The following PCDH1 variants were observed in gnomAD, a reference collection of about 807,000 sequenced individuals.
PCDH1 encodes protocadherin-1.
Under a neutral mutation model 74.6 loss-of-function variants are expected in PCDH1, and 23 were observed. That is an observed-to-expected ratio of 0.31 (90% confidence interval 0.22 to 0.44). PCDH1 has a LOEUF of 0.44. Ranked by LOEUF, PCDH1 falls within the 20% of genes least tolerant of loss-of-function variation. The pLI, the probability that PCDH1 is intolerant of heterozygous loss-of-function variation, is 1.00. For missense variants in PCDH1, 1,214 were observed against 1,641.4 expected, an observed-to-expected ratio of 0.74 and a Z score of 4.50; for synonymous variants, 647 against 686.1, an observed-to-expected ratio of 0.94 and a Z score of 0.89.
chr5:141,877,899 A>G (rs1045047396), intron 1 of PCDH1, among the ~76,000 whole-genome samples: 1 of 151,954 alleles, frequency 6.6e-6, no homozygotes, highest in East Asian at 1.9e-4. Context: ...CGCTTCCCCA[A>G]ACCCATCCTC....
rs1331091678 is a variant in PCDH1 at position 141,878,324 on chromosome 5, C to A, written c.-62G>T. 2 of 1,155,798 alleles carry A rather than the reference C, an allele frequency of 1.7e-6. No homozygotes were observed. Among genetic ancestry groups the A allele is most frequent in the East Asian group, 3.7e-5 (1 of 26,912 alleles). 71.6% of individuals were successfully genotyped at this position (1,155,798 alleles called of 1,614,324 possible). On this transcript the variant is annotated 5_prime_UTR_variant, in exon 1 of 5. Coordinates refer to ENST00000287008, the MANE Select transcript of PCDH1 (RefSeq NM_032420.5). The surrounding 1 kb of genome is among the most constrained non-coding windows in gnomAD (Gnocchi z 5.5). ...CACGGCTGGGGCTGGAGCTGCAGTT[C>A]GGGCTCCGGCTCCGGCTCCGGCTGG... is the stretch of plus-strand genomic sequence containing the variant.
Position 141,865,469 on chromosome 5 carries a change from T to C in PCDH1, c.904-42A>G, listed in dbSNP as rs888952773. 15 of 1,583,742 alleles carry C rather than the reference T, an allele frequency of 9.5e-6. No individual in the cohort carries two copies. Among genetic ancestry groups the C allele is most frequent in the Non-Finnish European group, 1.3e-5 (15 of 1,166,560 alleles). On this transcript the variant is annotated intron_variant, in intron 2 of 4. Coordinates refer to ENST00000287008, the MANE Select transcript of PCDH1 (RefSeq NM_032420.5). This position sits in a 1 kb window ranked among gnomAD's most constrained non-coding sequence, Gnocchi z 4.4. ...AAAAACAAGGAGAACAGAGATGGTT[T>C]AGATCAGGGATAGCAAATAAAGGGG...
intron 4 of PCDH1, 51 bp downstream of exon 4, chr5:141,857,201 C>T: frequency 7.0e-7 from 1 of 1,436,522 alleles, no homozygotes; most frequent in Non-Finnish European, 9.3e-7. Flanking sequence ...GTCACCATTC[C>T]CAGGCTTCCA....
chr5:141,868,444 G>A lies in PCDH1; in HGVS notation c.903+125C>T. The A allele has an allele frequency of 6.9e-6, 10 of 1,442,566 alleles. No individual in the cohort carries two copies. Among genetic ancestry groups the A allele is most frequent in the Non-Finnish European group, 9.1e-6 (10 of 1,101,344 alleles). The allele number at this position is 1,442,566 out of a possible 1,614,324, so 89.4% of individuals were successfully genotyped here. A position where few individuals can be genotyped will look rare whatever the true frequency, so the allele number is the denominator to read the frequency against. On this transcript the variant is annotated intron_variant, in intron 2 of 4. Transcript: ENST00000287008. This position sits in a 1 kb window ranked among gnomAD's most constrained non-coding sequence, Gnocchi z 4.8. ...AGACTCCCCTGGCTGAGTTTGGGGA[G>A]AAGGGGTCTCACTACAGTATTCTGG...
chr5:141,877,532 G>A (rs1476501157), intron 1 of PCDH1, among the ~76,000 whole-genome samples: 1 of 152,168 alleles, frequency 6.6e-6, no homozygotes. Context: ...ATGAGGGCAC[G>A]AGATTGTGTT....
At position 141,864,244 on chromosome 5, in the gene PCDH1, G is replaced by A. The variant is rs1404271979; in HGVS notation, c.2087C>T (p.Ser696Leu). ...KAVDGGVPPRSAYVGVTINVL... is the reference protein window; with the variant it reads ...KAVDGGVPPRLAYVGVTINVL... ...ATTGATGGTGACACCAACGTAAGCTGAGCGAGGTGGGACGCCACCATCCAC... is the reference window on the plus strand; with the variant it reads ...ATTGATGGTGACACCAACGTAAGCTAAGCGAGGTGGGACGCCACCATCCAC... Residue 696 changes from serine to leucine, a missense_variant, in exon 3 of 5, where the codon TCA (serine) becomes TTA (leucine). Ser to Leu is a moderately radical substitution (Grantham distance 145). Transcript: ENST00000287008. The surrounding 1 kb of genome is among the most constrained non-coding windows in gnomAD (Gnocchi z 5.9). 4 of 1,611,222 alleles carry A rather than the reference G, an allele frequency of 2.5e-6. No individual in the cohort carries two copies. In the Admixed American group the frequency reaches 6.7e-5, roughly 27 times the overall value.
chr5:141,873,613 ATTTTTTTTT>A lies in PCDH1; in HGVS notation c.41-4191_41-4183del, dbSNP rs34468568. On this transcript the variant is annotated intron_variant, in intron 1 of 4. Transcript: ENST00000287008. ...AGGCGCCCGCCACCATGCCCAGCTA[ATTTTTTTTT>A]TTTTTTTTTGTATTTTTAGTAGAGA... Among the ~76,000 whole-genome samples, 5 of 122,542 alleles carry A rather than the reference ATTTTTTTTT, an allele frequency of 4.1e-5. 1 individual carries two copies. The South Asian group carries it at 1.3e-3, about 32-fold the overall frequency. The allele number at this position is 122,542 out of a possible 152,430, so 80.4% of individuals were successfully genotyped here.
At chr5:141,874,867 G>A (rs946242947) in intron 1 of PCDH1, among the ~76,000 whole-genome samples, 4 of 152,096 alleles carry the variant, frequency 2.6e-5, no homozygotes, top group African/African-American at 7.2e-5. Flanking sequence ...ATGGGGTTGC[G>A]TGGGGTGGAG....
rs1396198535 is a variant in PCDH1, at chr5:141,878,319, CA to C, written c.-58del. On this transcript the variant is annotated 5_prime_UTR_variant, in exon 1 of 5. Transcript: ENST00000287008. The surrounding 1 kb of genome is among the most constrained non-coding windows in gnomAD (Gnocchi z 5.5). ...CTCCGCACGGCTGGGGCTGGAGCTG[CA>C]GTTCGGGCTCCGGCTCCGGCTCCGG... 1.7e-6 allele frequency: 2 copies of C among 1,177,484 alleles called. No homozygotes were observed. Among genetic ancestry groups the C allele is most frequent in the East Asian group, 7.3e-5 (2 of 27,314 alleles). 72.9% of individuals were successfully genotyped at this position (1,177,484 alleles called of 1,614,324 possible).
In PCDH1 at chr5:141,854,398, A is replaced by G; in HGVS notation, c.3358T>C (p.Cys1120Arg). The change falls in exon 5 of 5, where the codon TGT becomes CGT. Residue 1120 changes from cysteine to arginine, a missense_variant. Cys to Arg is a radical substitution (Grantham distance 180). Around this residue, in one of 4 missense-constraint regions of PCDH1, gnomAD observed 194 missense variants for 198.3 expected, o/e 0.98. Transcript: ENST00000287008. ...PLPDVAMTGTCTRECSEFGHS... is the reference protein window; with the variant it reads ...PLPDVAMTGTRTRECSEFGHS... Reference sequence around the variant, plus strand: ...CCAAACTCACTGCACTCCCGGGTACATGTGCCTGTCATGGCGACATCAGGC... The same window carrying G: ...CCAAACTCACTGCACTCCCGGGTACGTGTGCCTGTCATGGCGACATCAGGC... 1 of 1,612,866 alleles carries G rather than the reference A, an allele frequency of 6.2e-7. No individual in the cohort carries two copies. Among genetic ancestry groups the G allele is most frequent in the Non-Finnish European group, 8.5e-7 (1 of 1,179,686 alleles).
At chr5:141,856,315 G>T in intron 4 of PCDH1, 9 of 1,434,898 alleles carry the variant, frequency 6.3e-6, no homozygotes, top group Non-Finnish European at 7.6e-6. Flanking sequence ...ATGGAGGGGC[G>T]GGGTGGGGGT....
intron 4 of PCDH1, among the ~76,000 whole-genome samples, chr5:141,855,754 C>T (rs112008248): frequency 6.8e-4 from 104 of 152,314 alleles, no homozygotes; most frequent in Admixed American, 1.5e-3. Context: ...ACTCTGGCCC[C>T]TAAACCAGCC....
chr5:141,866,154 C>T (rs556796775), intron 2 of PCDH1: 48 of 985,466 alleles, frequency 4.9e-5, no homozygotes, highest in East Asian at 2.3e-4. Context: ...CCCTCCAGGC[C>T]GGGCCCCAGC....
At chr5:141,870,235 C>T (rs182932107) in intron 1 of PCDH1, among the ~76,000 whole-genome samples, 27 of 152,324 alleles carry the variant, frequency 1.8e-4, no homozygotes, top group Admixed American at 5.2e-4. Context: ...TGCCCCAGAA[C>T]GTGCACACAG....
At chr5:141,860,721 A>C (rs1428684832) in intron 3 of PCDH1, among the ~76,000 whole-genome samples, 1 of 152,190 alleles carries the variant, frequency 6.6e-6, no homozygotes, top group Non-Finnish European at 1.5e-5. Flanking sequence ...CTGCAAAATT[A>C]ATATTAAAAT....
Position 141,869,246 on chromosome 5 carries a change from T to G in PCDH1, c.226A>C (p.Ser76Arg). The change falls in exon 2 of 5, where the codon AGC (serine) becomes CGC (arginine). Residue 76 changes from serine to arginine, a missense_variant. By Grantham distance (110) the Ser-to-Arg change is moderately radical. Transcript: ENST00000287008. The surrounding 1 kb of genome is among the most constrained non-coding windows in gnomAD (Gnocchi z 4.9). ...EEQPPNTLIG[S>R]LAADYGFPDV... ...GGAAAACCATAGTCGGCTGCGAGGC[T>G]CCCAATGAGGGTGTTGGGTGGCTGT... 1 of 1,613,104 alleles carries G rather than the reference T, an allele frequency of 6.2e-7. No homozygotes were observed.
At chr5:141,873,847 AT>A (rs1753156788) in intron 1 of PCDH1, among the ~76,000 whole-genome samples, 1 of 152,128 alleles carries the variant, frequency 6.6e-6, no homozygotes, top group Admixed American at 6.6e-5. Flanking sequence ...AGTACTAAGC[AT>A]TTTACACACA....
intron 1 of PCDH1, among the ~76,000 whole-genome samples, chr5:141,875,860 A>C (rs150062268): frequency 6.6e-6 from 1 of 152,008 alleles, no homozygotes; most frequent in African/African-American, 2.4e-5. Flanking sequence ...CCTTAACGTC[A>C]ATAAAGTAAC....
chr5:141,877,897 CA>C (rs925456937), intron 1 of PCDH1, among the ~76,000 whole-genome samples: 2 of 152,176 alleles, frequency 1.3e-5, no homozygotes, highest in African/African-American at 2.4e-5. Context: ...CGCGCTTCCC[CA>C]AACCCATCCT....
Sources: gnomAD v4.1 joint callset for allele counts (sites outside exome capture counted in the v4.1 genomes callset) on GRCh38, gnomAD v4.1.1 for gene constraint, gnomAD v4.1.1 regional missense constraint, Gnocchi (gnomAD v3.1) non-coding constraint, MANE v1.5 for transcripts, NCBI Gene and HGNC (gene_info 2026-07-23, HGNC 2026-07-21) for gene names.